CYP4F22: variants seen among roughly 807,000 people sequenced by gnomAD.
CYP4F22 encodes cytochrome P450 family 4 subfamily F member 22.
A neutral mutation model predicts 60.4 loss-of-function variants in CYP4F22; 37 were observed. That is an observed-to-expected ratio of 0.61 (90% CI 0.47 to 0.81). The LOEUF (loss-of-function observed/expected upper bound fraction) is 0.81. CYP4F22 is among the 30% of genes least tolerant of loss of function. CYP4F22 has a pLI of 0.00. For synonymous variants in CYP4F22, 258 were observed against 280.5 expected (o/e 0.92, Z 0.80); for missense variants, 655 against 715.0 (o/e 0.92, Z 0.96).
intron 3 of CYP4F22, among the ~76,000 whole-genome samples, chr19:15,528,597 T>G (rs1301873689): frequency 6.6e-6 from 1 of 152,214 alleles, no homozygotes; most frequent in Non-Finnish European, 1.5e-5. Flanking sequence ...ATGACCCATG[T>G]TTTTGGGGAT....
intron 12 of CYP4F22, among the ~76,000 whole-genome samples, 181 bp from the exon 13 acceptor site, chr19:15,550,493 C>T (rs1971582242): frequency 6.6e-6 from 1 of 152,070 alleles, no homozygotes; most frequent in South Asian, 2.1e-4. Context: ...CTCACTGGTG[C>T]GTGTGAACAA....
chr19:15,528,564 T>G (rs1005550142), intron 3 of CYP4F22, among the ~76,000 whole-genome samples: 4 of 114,914 alleles, frequency 3.5e-5, no homozygotes, highest in African/African-American at 5.7e-5. Context: ...CATCCTTTAC[T>G]GGTGGTCTTC....
chr19:15,540,745 G>GAGC lies in CYP4F22; in HGVS notation c.939+28_939+29insAGC, dbSNP rs374797305. The GAGC allele has an allele frequency of 0.78, 1,250,198 of 1,610,102 alleles. 486,978 individuals are homozygous for GAGC. The highest frequency in any genetic ancestry group is 0.93 in the East Asian group (41,599 of 44,850). On this transcript the variant is annotated intron_variant, in intron 8 of 13. Coordinates refer to ENST00000269703, the MANE Select transcript of CYP4F22 (RefSeq NM_173483.4). Reference sequence around the variant, plus strand: ...GAGGCTGGGCCCCCTGGAATTGCTGGCCTCCCGAGGGCTGGCCTCCCGAGG... The same window carrying GAGC: ...GAGGCTGGGCCCCCTGGAATTGCTGGAGCCCTCCCGAGGGCTGGCCTCCCGAGG...
In CYP4F22 at chr19:15,551,781, T is replaced by G; in HGVS notation, c.*310T>G. On this transcript the variant is annotated 3_prime_UTR_variant, in exon 14 of 14. Transcript: ENST00000269703. ...GGCTCAGGCCCCGCCCCCAGGATCCTACGGATTGAGGTCCTCAGGCCACGC... is the reference window on the plus strand; with the variant it reads ...GGCTCAGGCCCCGCCCCCAGGATCCGACGGATTGAGGTCCTCAGGCCACGC... 6.5e-6 allele frequency: 3 copies of G among 459,374 alleles called. No homozygotes were observed. Among genetic ancestry groups the G allele is most frequent in the South Asian group, 2.4e-5 (1 of 41,292 alleles). The allele number at this position is 459,374 out of a possible 1,614,324, so 28.5% of individuals were successfully genotyped here.
intron 11 of CYP4F22, among the ~76,000 whole-genome samples, chr19:15,548,835 C>A (rs1971562635): frequency 6.6e-6 from 1 of 152,110 alleles, no homozygotes; most frequent in African/African-American, 2.4e-5. Context: ...CGCTTGAACT[C>A]AATCCTGGGG....
In CYP4F22 at chr19:15,551,876, A is replaced by T. The variant is rs909273372; in HGVS notation, c.*405A>T. ...AGGACCTAAGACCCACCTATGACTCAGGGCCCACCACACCCCACCCCCCCC... is the reference window on the plus strand; with the variant it reads ...AGGACCTAAGACCCACCTATGACTCTGGGCCCACCACACCCCACCCCCCCC... On this transcript the variant is annotated 3_prime_UTR_variant, in exon 14 of 14. Coordinates refer to ENST00000269703, the MANE Select transcript of CYP4F22 (RefSeq NM_173483.4). The T allele has an allele frequency of 3.5e-5, 7 of 199,240 alleles. No individual in the cohort carries two copies. Among genetic ancestry groups the T allele is most frequent in the Admixed American group, 3.2e-4 (6 of 18,494 alleles). 12.3% of individuals were successfully genotyped at this position (199,240 alleles called of 1,614,324 possible).
intron 1 of CYP4F22, among the ~76,000 whole-genome samples, chr19:15,514,845 G>A (rs911165261): frequency 2.6e-5 from 4 of 152,186 alleles, no homozygotes; most frequent in African/African-American, 4.8e-5. Context: ...TGGTGGGGCC[G>A]TGGCACACTA....
chr19:15,526,567 G>A (rs575582821), intron 3 of CYP4F22, among the ~76,000 whole-genome samples: 2 of 147,234 alleles, frequency 1.4e-5, no homozygotes, highest in South Asian at 2.1e-4. Flanking sequence ...CCCATTTTGC[G>A]TGGAAGATTA....
rs904888245 is a variant in CYP4F22 at position 15,544,196 on chromosome 19, G to A, written c.1053G>A (p.Leu351=). ...GGATCTCTTGGATGCTGTTCAATTT[G>A]GCAAAGTATCCGGAATACCAGGAGA... The part of the protein sequence containing the change: ...SSGISWMLFN[L]AKYPEYQEKC... The change falls in exon 10 of 14, where the codon TTG becomes TTA. Residue 351 remains leucine, a synonymous_variant. Transcript: ENST00000269703. 1.2e-6 allele frequency: 2 copies of A among 1,614,134 alleles called. No homozygotes were observed. The highest frequency in any genetic ancestry group is 1.7e-4 in the Middle Eastern group (1 of 6,060).
rs186042657 is a variant in CYP4F22, at chr19:15,525,253, C to A, written c.-1-83C>A. ...GGAACTCACGTGTGCTGGGAACCTT[C>A]TGTGCACTAGGCACACCATGCATTA... On this transcript the variant is annotated intron_variant, in intron 2 of 13. Transcript: ENST00000269703. 3.6e-5 allele frequency: 49 copies of A among 1,363,938 alleles called. No homozygotes were observed. In the African/African-American group the frequency reaches 5.2e-4, roughly 14 times the overall value. The allele number at this position is 1,363,938 out of a possible 1,614,324, so 84.5% of individuals were successfully genotyped here.
chr19:15,537,898 C>T lies in CYP4F22; in HGVS notation c.576C>T (p.Gly192=), dbSNP rs2144529061. 2 of 1,614,086 alleles carry T rather than the reference C, an allele frequency of 1.2e-6. No individual in the cohort carries two copies. Among genetic ancestry groups the T allele is most frequent in the East Asian group, 2.2e-5 (1 of 44,884 alleles). Residue 192 remains glycine (G), a synonymous_variant, in exon 7 of 14, where the codon GGC becomes GGT. Transcript: ENST00000269703. The part of the protein sequence containing the change: ...MHAKWRHLAE[G]SAVSLDMFEH... Reference sequence around the variant, plus strand: ...CTAAATGGCGGCATCTGGCAGAGGGCTCAGCGGTCTCCCTTGATATGTTTG... The same window carrying T: ...CTAAATGGCGGCATCTGGCAGAGGGTTCAGCGGTCTCCCTTGATATGTTTG...
chr19:15,534,065 C>G (rs778180744), intron 4 of CYP4F22, among the ~76,000 whole-genome samples: 1 of 152,184 alleles, frequency 6.6e-6, no homozygotes, highest in Admixed American at 6.5e-5. Context: ...TTTCTACTAA[C>G]AGGAAACACA....
intron 13 of CYP4F22, 101 bp downstream of exon 13, chr19:15,550,857 A>T: frequency 7.0e-7 from 1 of 1,426,644 alleles, no homozygotes. Context: ...GATGGCACCC[A>T]GGCGTCCTTT....
rs188671884 is a variant in CYP4F22 at position 15,535,860 on chromosome 19, G to A, written c.368-1501G>A. Among the ~76,000 whole-genome samples, 223 of 152,146 alleles carry A rather than the reference G, an allele frequency of 1.5e-3. 2 individuals carry two copies. The highest frequency in any genetic ancestry group is 6.8e-3 in the Middle Eastern group (2 of 294). On this transcript the variant is annotated intron_variant, in intron 4 of 13. Coordinates refer to ENST00000269703, the MANE Select transcript of CYP4F22 (RefSeq NM_173483.4). Reference sequence around the variant, plus strand: ...AGCACAACATATCAGTAATCAACACGAACCCTCCTGTTAAGGGGCTTGTAA... The same window carrying A: ...AGCACAACATATCAGTAATCAACACAAACCCTCCTGTTAAGGGGCTTGTAA...
intron 2 of CYP4F22, among the ~76,000 whole-genome samples, chr19:15,524,075 AAAAGGAAATGTGG>A (rs1233708766): frequency 6.6e-6 from 1 of 151,698 alleles, no homozygotes; most frequent in Admixed American, 6.6e-5. Flanking sequence ...AAAAAAAAAA[AAAAGGAAATGTGG>A]AATATCCATA....
At chr19:15,544,945 C>G (rs1971504122) in intron 10 of CYP4F22, among the ~76,000 whole-genome samples, 1 of 152,076 alleles carries the variant, frequency 6.6e-6, no homozygotes, top group Non-Finnish European at 1.5e-5. Context: ...CCTGTAATCC[C>G]CCCTACTCGG....
intron 1 of CYP4F22, among the ~76,000 whole-genome samples, chr19:15,523,002 C>A (rs1203902498): frequency 6.6e-6 from 1 of 151,866 alleles, no homozygotes; most frequent in Non-Finnish European, 1.5e-5. Context: ...TGAGCCACTG[C>A]ACCCGGCCAA....
At chr19:15,524,663 AAAG>A (rs753142843) in intron 2 of CYP4F22, among the ~76,000 whole-genome samples, 3 of 140,858 alleles carry the variant, frequency 2.1e-5, no homozygotes, top group African/African-American at 7.9e-5. Context: ...AGAAAGAAAG[AAAG>A]AAGGAGAGAG....
Position 15,547,650 on chromosome 19 carries a change from C to T in CYP4F22, c.1137-458C>T, listed in dbSNP as rs1055447862. ...CCAGCCTGGCCAACATGGAGAAACC[C>T]TGTCTCTACTAAAAATACAAAAATT... is the stretch of plus-strand genomic sequence containing the variant. On this transcript the variant is annotated intron_variant, in intron 10 of 13. Coordinates refer to ENST00000269703, the MANE Select transcript of CYP4F22 (RefSeq NM_173483.4). Among the ~76,000 whole-genome samples, 7 of 152,020 alleles carry T rather than the reference C, an allele frequency of 4.6e-5. No individual in the cohort carries two copies. The East Asian group carries it at 1.4e-3, about 30-fold the overall frequency.
Sources: gnomAD v4.1 joint callset for allele counts (sites outside exome capture counted in the v4.1 genomes callset) on GRCh38, gnomAD v4.1.1 for gene constraint, MANE v1.5 for transcripts, NCBI Gene and HGNC (gene_info 2026-07-23, HGNC 2026-07-21) for gene names.